The following PIEZO2 variants were observed in gnomAD, a reference collection of about 807,000 sequenced individuals.
PIEZO2 encodes the protein piezo type mechanosensitive ion channel component 2, also known as piezo-type mechanosensitive ion channel component 2.
PIEZO2 carries 172 observed loss-of-function variants against 337.3 expected under a neutral mutation model. The ratio of observed to expected loss-of-function variants is 0.51; its 90% CI spans 0.45 to 0.58. PIEZO2 has a LOEUF of 0.58. Among genes scored for constraint, PIEZO2 ranks in the 20% least tolerant of loss-of-function variants. The pLI is 0.00. For missense variants in PIEZO2, 3,028 were observed against 3,391.3 expected (o/e 0.89, Z 2.66); for synonymous variants, 1,251 against 1,228.5 (o/e 1.02, Z -0.38).
intron 45 of PIEZO2, 101 bp downstream of exon 45, chr18:10,697,647 C>T: frequency 4.9e-6 from 7 of 1,440,002 alleles, no homozygotes; most frequent in Non-Finnish European, 6.6e-6. Context: ...ACATTTGTGA[C>T]ACGAGAAGTT....
intron 3 of PIEZO2, among the ~76,000 whole-genome samples, chr18:10,916,795 A>G (rs930439040): frequency 1.3e-5 from 2 of 152,206 alleles, no homozygotes; most frequent in African/African-American, 4.8e-5. Context: ...CGGAGGAGGC[A>G]CCAAGAATGA....
chr18:10,934,641 G>C (rs2032280810), intron 3 of PIEZO2, among the ~76,000 whole-genome samples: 1 of 112,770 alleles, frequency 8.9e-6, no homozygotes, highest in Non-Finnish European at 1.9e-5. Flanking sequence ...GTGTACGTGT[G>C]TGTGTGTGTG....
intron 33 of PIEZO2, among the ~76,000 whole-genome samples, chr18:10,737,273 G>A (rs1209516566): frequency 9.1e-6 from 1 of 110,130 alleles, no homozygotes; most frequent in East Asian, 3.2e-4. Context: ...AAACATACAT[G>A]GCAAGACATT....
intron 7 of PIEZO2, among the ~76,000 whole-genome samples, chr18:10,816,058 C>G (rs1401526056): frequency 6.6e-6 from 1 of 152,202 alleles, no homozygotes; most frequent in African/African-American, 2.4e-5. Context: ...TAGGCAGGAG[C>G]TGGGAAGACT....
rs114375198 is a variant in PIEZO2, at chr18:10,705,822, G to A, written c.5589-76C>T. ...CTGGGGTTCTTTCCCATTCCTGAGA[G>A]ACCTCATCAGAACTCCTAAGGAAAT... is the stretch of plus-strand genomic sequence containing the variant. On this transcript the variant is annotated intron_variant, in intron 40 of 55. Coordinates refer to ENST00000674853, the MANE Select transcript of PIEZO2 (RefSeq NM_001378183.1). 9.2e-4 allele frequency: 1,303 copies of A among 1,421,042 alleles called. 10 individuals carry two copies. The African/African-American group carries it at 0.017, about 19-fold the overall frequency. The allele number at this position is 1,421,042 out of a possible 1,614,324, so 88.0% of individuals were successfully genotyped here. A position where few individuals can be genotyped will look rare whatever the true frequency, so the allele number is the denominator to read the frequency against.
intron 27 of PIEZO2, among the ~76,000 whole-genome samples, chr18:10,757,646 G>C (rs1488462367): frequency 6.6e-6 from 1 of 151,734 alleles, no homozygotes; most frequent in East Asian, 1.9e-4. Flanking sequence ...GAGCTATGGG[G>C]ATGCAGAGGA....
chr18:10,798,638 C>G (rs2144249870), intron 11 of PIEZO2, among the ~76,000 whole-genome samples: 1 of 152,216 alleles, frequency 6.6e-6, no homozygotes, highest in Non-Finnish European at 1.5e-5. Context: ...TTTGAAAGCC[C>G]AGTTTATGAT....
rs189278820 is a variant in PIEZO2 at position 11,024,418 on chromosome 18, C to T, written c.160+41709G>A. 3.9e-3 allele frequency among the ~76,000 whole-genome samples: 583 copies of T among 150,490 alleles called. 4 individuals carry two copies. Among genetic ancestry groups the T allele is most frequent in the African/African-American group, 0.013 (541 of 41,190 alleles). On this transcript the variant is annotated intron_variant, in intron 2 of 55. Transcript: ENST00000674853. ...AAAATTAGCCGGGCGTAGTGGCGGG[C>T]GCCTGTAGTCCCAGCTACTCAGGAG...
intron 3 of PIEZO2, among the ~76,000 whole-genome samples, chr18:10,936,732 A>G (rs1477024844): frequency 6.6e-5 from 10 of 152,256 alleles, no homozygotes. Flanking sequence ...CCAGTGGAAT[A>G]TATCTTTGCT....
chr18:10,964,454 T>C (rs2033917862), intron 3 of PIEZO2, among the ~76,000 whole-genome samples: 1 of 152,166 alleles, frequency 6.6e-6, no homozygotes, highest in East Asian at 1.9e-4. Flanking sequence ...AGTAAACACA[T>C]TGAAAAATAT....
At chr18:10,814,737 T>C (rs1480599135) in intron 7 of PIEZO2, among the ~76,000 whole-genome samples, 2 of 152,150 alleles carry the variant, frequency 1.3e-5, no homozygotes, top group African/African-American at 4.8e-5. Context: ...CCTATGGGAA[T>C]TCCCAGGCAG....
chr18:10,939,956 C>T (rs1429811887), intron 3 of PIEZO2, among the ~76,000 whole-genome samples: 7 of 152,190 alleles, frequency 4.6e-5, no homozygotes, highest in South Asian at 2.1e-4. Flanking sequence ...AAAAATACCT[C>T]GGCAGAGGCA....
At position 11,069,631 on chromosome 18, in the gene PIEZO2, A is replaced by G. The variant is rs1333154321; in HGVS notation, c.65-3409T>C. Among the ~76,000 whole-genome samples, 1 of 152,168 alleles carries G rather than the reference A, an allele frequency of 6.6e-6. No homozygotes were observed. Among genetic ancestry groups the G allele is most frequent in the Admixed American group, 6.6e-5 (1 of 15,266 alleles). The stretch of plus-strand genomic sequence containing the variant: ...GACCAGAATCAAGACAAGGATGCCT[A>G]CTCTTGACACTTCCATTCAATGTGG... On this transcript the variant is annotated intron_variant, in intron 1 of 55. Coordinates refer to ENST00000674853, the MANE Select transcript of PIEZO2 (RefSeq NM_001378183.1). This position sits in a 1 kb window ranked among gnomAD's most constrained non-coding sequence, Gnocchi z 4.9.
At position 11,031,491 on chromosome 18, in the gene PIEZO2, C is replaced by T. The variant is rs1391325203; in HGVS notation, c.160+34636G>A. On this transcript the variant is annotated intron_variant, in intron 2 of 55. Coordinates refer to ENST00000674853, the MANE Select transcript of PIEZO2 (RefSeq NM_001378183.1). This position sits in a 1 kb window ranked among gnomAD's most constrained non-coding sequence, Gnocchi z 4.7. ...TGGTTTAGTTATTTCTTCAAAATAGCTGAATTTTATAACACTGGAACTTAT... is the reference window on the plus strand; with the variant it reads ...TGGTTTAGTTATTTCTTCAAAATAGTTGAATTTTATAACACTGGAACTTAT... Among the ~76,000 whole-genome samples, 1 of 152,094 alleles carries T rather than the reference C, an allele frequency of 6.6e-6. No individual in the cohort carries two copies. Among genetic ancestry groups the T allele is most frequent in the East Asian group, 1.9e-4 (1 of 5,198 alleles).
chr18:10,708,332 T>C lies in PIEZO2; in HGVS notation c.5531A>G (p.Lys1844Arg), dbSNP rs2143814395. 1 of 152,778 alleles carries C rather than the reference T, an allele frequency of 6.5e-6. No homozygotes were observed. The highest frequency in any genetic ancestry group is 2.4e-5 in the African/African-American group (1 of 41,584). The allele number at this position is 152,778 out of a possible 1,614,324, so 9.5% of individuals were successfully genotyped here. A position where few individuals can be genotyped will look rare whatever the true frequency, so the allele number is the denominator to read the frequency against. The stretch of plus-strand genomic sequence containing the variant: ...GGAGGACATATCCATGCTGAGCATT[T>C]TACGGAGCCTAGGCCGAGCACGCTC... ...TSERARPRLR[K>R]MLSMDMSSSS... Residue 1844 changes from lysine (K) to arginine (R), a missense_variant, in exon 40 of 56, where the codon AAA (lysine) becomes AGA (arginine). By Grantham distance (26) the Lys-to-Arg change is conservative. Coordinates refer to ENST00000674853, the MANE Select transcript of PIEZO2 (RefSeq NM_001378183.1).
chr18:10,781,823 T>G lies in PIEZO2; in HGVS notation c.2493-1457A>C, dbSNP rs2038993502. 6.6e-6 allele frequency among the ~76,000 whole-genome samples: 1 copy of G among 152,220 alleles called. No individual in the cohort carries two copies. Among genetic ancestry groups the G allele is most frequent in the Admixed American group, 6.5e-5 (1 of 15,288 alleles). ...TTGCATATCTCCAGAGACAACAGTG[T>G]GGAAATCAGCTTAACGAGCGAATCG... is the stretch of plus-strand genomic sequence containing the variant. On this transcript the variant is annotated intron_variant, in intron 17 of 55. Transcript: ENST00000674853. The surrounding 1 kb of genome is among the most constrained non-coding windows in gnomAD (Gnocchi z 4.1).
At chr18:10,712,817 G>A (rs1443442581) in intron 39 of PIEZO2, among the ~76,000 whole-genome samples, 1 of 152,156 alleles carries the variant, frequency 6.6e-6, no homozygotes, top group Admixed American at 6.5e-5. Flanking sequence ...TTTATTCTAT[G>A]AATTAAAACT....
chr18:10,953,797 G>A lies in PIEZO2; in HGVS notation c.286+25738C>T, dbSNP rs60547948. On this transcript the variant is annotated intron_variant, in intron 3 of 55. Transcript: ENST00000674853. This position sits in a 1 kb window ranked among gnomAD's most constrained non-coding sequence, Gnocchi z 5.2. ...ACTGCACACCACACAGGGCCACACCGGGGTGCACTTGGGAACAGATGAACA... is the reference window on the plus strand; with the variant it reads ...ACTGCACACCACACAGGGCCACACCAGGGTGCACTTGGGAACAGATGAACA... Among the ~76,000 whole-genome samples the A allele has an allele frequency of 0.16, 24,199 of 151,994 alleles. 2,234 individuals carry two copies. The highest frequency in any genetic ancestry group is 0.31 in the East Asian group (1,618 of 5,152).
At chr18:11,141,491 CG>C (rs1182923146) in intron 1 of PIEZO2, among the ~76,000 whole-genome samples, 2 of 152,102 alleles carry the variant, frequency 1.3e-5, no homozygotes. Context: ...CTGCATGCTG[CG>C]GGGCGCACAG....
Sources: gnomAD v4.1 joint callset for allele counts (sites outside exome capture counted in the v4.1 genomes callset) on GRCh38, gnomAD v4.1.1 for gene constraint, Gnocchi (gnomAD v3.1) non-coding constraint, MANE v1.5 for transcripts, NCBI Gene and HGNC (gene_info 2026-07-23, HGNC 2026-07-21) for gene names.